The following SYTL3 variants were observed in gnomAD, a reference collection of about 807,000 sequenced individuals.
The protein encoded by SYTL3 is synaptotagmin-like protein 3.
SYTL3 carries 88 observed loss-of-function variants against 82.1 expected under a neutral mutation model. The observed-to-expected ratio is 1.07, with a 90% CI of 0.90 to 1.28. The LOEUF is 1.28. Ranked by LOEUF, SYTL3 falls within the 50% of genes most tolerant of loss-of-function variation. The pLI is 0.00. For missense variants in SYTL3, 831 were observed against 757.6 expected (o/e 1.10, Z -1.14); for synonymous variants, 311 against 289.4 (o/e 1.07, Z -0.76).
intron 5 of SYTL3, among the ~76,000 whole-genome samples, chr6:158,676,671 A>C (rs1778071058): frequency 6.6e-6 from 1 of 152,242 alleles, no homozygotes; most frequent in South Asian, 2.1e-4. Flanking sequence ...CAAAGGGCTA[A>C]TATCCAGAAT....
At position 158,731,232 on chromosome 6, in the gene SYTL3, C is replaced by T. The variant is rs1334221859; in HGVS notation, c.855+5595C>T. On this transcript the variant is annotated intron_variant, in intron 11 of 17. Coordinates refer to ENST00000611299, the MANE Select transcript of SYTL3 (RefSeq NM_001242394.2). ...CCGGGAGGCGGAGGTTGCAGTGAGC[C>T]GAGATCACACTATTGTACTCCAGCC... Among the ~76,000 whole-genome samples the T allele has an allele frequency of 7.3e-5, 11 of 150,838 alleles. 1 individual carries two copies. The highest frequency in any genetic ancestry group is 2.4e-4 in the African/African-American group (10 of 41,006).
At chr6:158,667,006 G>T (rs114664536) in intron 5 of SYTL3, among the ~76,000 whole-genome samples, 234 of 152,314 alleles carry the variant, frequency 1.5e-3, no homozygotes, top group African/African-American at 5.2e-3. Context: ...AATAATTACT[G>T]TGAGCTGCCC....
chr6:158,763,185 G>GT (rs1259174086), intron 16 of SYTL3, 119 bp from the exon 17 acceptor site: 1 of 901,298 alleles, frequency 1.1e-6, no homozygotes, highest in African/African-American at 1.6e-5. Context: ...ACTGGGGAGG[G>GT]TGTGGATGTT....
chr6:158,650,688 A>G (rs918516138), intron 1 of SYTL3, among the ~76,000 whole-genome samples: 6 of 152,106 alleles, frequency 3.9e-5, no homozygotes, highest in African/African-American at 7.2e-5. Flanking sequence ...CACGCCTGTA[A>G]TCCCAGTACT....
intron 10 of SYTL3, among the ~76,000 whole-genome samples, chr6:158,722,924 C>A (rs1383805406): frequency 6.7e-6 from 1 of 149,504 alleles, no homozygotes; most frequent in African/African-American, 2.5e-5. Context: ...TGCCACCACA[C>A]CCAGCTAATT....
chr6:158,718,268 C>T, intron 10 of SYTL3, 57 bp downstream of exon 10: 2 of 1,352,018 alleles, frequency 1.5e-6, no homozygotes, highest in Non-Finnish European at 1.9e-6. Flanking sequence ...TCTTCCAGAA[C>T]TTTCTAGCCT....
chr6:158,687,057 A>G (rs1427360431), intron 6 of SYTL3, among the ~76,000 whole-genome samples: 1 of 152,240 alleles, frequency 6.6e-6, no homozygotes, highest in African/African-American at 2.4e-5. Flanking sequence ...GAAAAACTAG[A>G]TGGTGGTTTA....
Position 158,682,893 on chromosome 6 carries a change from C to G in SYTL3, c.330-32C>G, listed in dbSNP as rs368279263. On this transcript the variant is annotated intron_variant, in intron 5 of 17. Coordinates refer to ENST00000611299, the MANE Select transcript of SYTL3 (RefSeq NM_001242394.2). ...ATATAGCACTATTCATATCTTCTCT[C>G]TCTGAAGCTTCCTTTCTGCTCATTT... 48 of 1,568,974 alleles carry G rather than the reference C, an allele frequency of 3.1e-5. 1 individual carries two copies. In the African/African-American group the frequency reaches 4.2e-4, roughly 14 times the overall value.
chr6:158,763,284 G>T lies in SYTL3; in HGVS notation c.1518-20G>T, dbSNP rs371330454. ...GCCGTGTGGATGGCAATGATTGCAG[G>T]GTTTGTGTTCCCTCTTCAGCTGTCT... On this transcript the variant is annotated intron_variant, in intron 16 of 17. Transcript: ENST00000611299. 220 of 1,612,644 alleles carry T rather than the reference G, an allele frequency of 1.4e-4. No homozygotes were observed. The highest frequency in any genetic ancestry group is 1.8e-4 in the Non-Finnish European group (215 of 1,178,934).
At chr6:158,754,050 A>G (rs184649586) in intron 13 of SYTL3, among the ~76,000 whole-genome samples, 141 of 152,284 alleles carry the variant, frequency 9.3e-4, no homozygotes, top group African/African-American at 1.3e-3. Flanking sequence ...TCCAATCACA[A>G]TCACACCTTT....
At chr6:158,718,020 A>G (rs1267640400) in intron 9 of SYTL3, 67 bp from the exon 10 acceptor site, 2 of 1,428,140 alleles carry the variant, frequency 1.4e-6, no homozygotes, top group South Asian at 3.1e-5. Flanking sequence ...GAACCCCAGA[A>G]GAGGCTCCCA....
chr6:158,717,818 C>T (rs1042716420), intron 9 of SYTL3, among the ~76,000 whole-genome samples: 1 of 152,136 alleles, frequency 6.6e-6, no homozygotes, highest in Non-Finnish European at 1.5e-5. Context: ...TTCCCTTCAC[C>T]TCTCACCCTG....
intron 6 of SYTL3, among the ~76,000 whole-genome samples, chr6:158,701,110 G>A (rs139862957): frequency 6.6e-6 from 1 of 151,032 alleles, no homozygotes; most frequent in African/African-American, 2.4e-5. Context: ...GGACAGTCAT[G>A]GAATCCCTGT....
At chr6:158,725,936 A>G in intron 11 of SYTL3, 1 of 680,098 alleles carries the variant, frequency 1.5e-6, no homozygotes. Context: ...ACTCGCGTAA[A>G]CAGATAGGGC....
In SYTL3 at chr6:158,698,574, C is replaced by T. The variant is rs183571795; in HGVS notation, c.395-8656C>T. On this transcript the variant is annotated intron_variant, in intron 6 of 17. Transcript: ENST00000611299. ...TGTTGTCCAACACCCACTCTAACCCCTGGTTTTGCTCACCTTTCTTTAGCA... is the reference window on the plus strand; with the variant it reads ...TGTTGTCCAACACCCACTCTAACCCTTGGTTTTGCTCACCTTTCTTTAGCA... Among the ~76,000 whole-genome samples, 7 of 152,282 alleles carry T rather than the reference C, an allele frequency of 4.6e-5. No individual in the cohort carries two copies. In the East Asian group the frequency reaches 1.4e-3, roughly 29 times the overall value.
chr6:158,748,009 G>A (rs1417105732), intron 12 of SYTL3, among the ~76,000 whole-genome samples: 2 of 149,840 alleles, frequency 1.3e-5, no homozygotes, highest in Non-Finnish European at 1.5e-5. Context: ...TCTGCTTTTT[G>A]TGTCTGTAGA....
intron 6 of SYTL3, among the ~76,000 whole-genome samples, chr6:158,693,855 C>CTTTTCTTTTTTTTTTTT (rs71030191): frequency 1.0e-5 from 1 of 96,866 alleles, no homozygotes; most frequent in Non-Finnish European, 1.9e-5. Flanking sequence ...TTTTTCTTTT[C>CTTTTCTTTTTTTTTTTT]TTTTTTTTTT....
chr6:158,760,181 C>T (rs1358695979), intron 14 of SYTL3, among the ~76,000 whole-genome samples: 1 of 152,144 alleles, frequency 6.6e-6, no homozygotes, highest in African/African-American at 2.4e-5. Context: ...GGGCCACCCC[C>T]TGTGGCTCTG....
intron 11 of SYTL3, chr6:158,726,302 G>A (rs923049375): frequency 4.0e-5 from 16 of 400,900 alleles, no homozygotes; most frequent in Middle Eastern, 3.7e-4. Flanking sequence ...TGACACAGGC[G>A]TCTTCAGGTT....
Sources: allele counts gnomAD v4.1 joint callset (sites outside exome capture counted in the v4.1 genomes callset), GRCh38; gene constraint gnomAD v4.1.1; transcripts MANE v1.5; gene names NCBI Gene and HGNC (gene_info 2026-07-23, HGNC 2026-07-21).